SLC44A1: variants seen among roughly 807,000 people sequenced by gnomAD.
The protein encoded by SLC44A1 is choline transporter-like protein 1.
In SLC44A1, 26 loss-of-function variants were observed where a neutral mutation model predicts 79.3. That is an observed-to-expected ratio of 0.33 (90% CI 0.24 to 0.46). SLC44A1 has a LOEUF of 0.46. Among genes scored for constraint, SLC44A1 ranks in the 20% least tolerant of loss-of-function variants. The pLI, the probability that SLC44A1 is intolerant of heterozygous loss-of-function variation, is 1.00. For missense variants in SLC44A1, 688 were observed against 798.1 expected, an observed-to-expected ratio of 0.86 and a Z score of 1.66; for synonymous variants, 263 against 286.2, an observed-to-expected ratio of 0.92 and a Z score of 0.82.
In SLC44A1 at chr9:105,392,280, C is replaced by T; in HGVS notation, c.*3224C>T. 2 of 983,684 alleles carry T rather than the reference C, an allele frequency of 2.0e-6. No homozygotes were observed. Among genetic ancestry groups the T allele is most frequent in the Non-Finnish European group, 2.4e-6 (2 of 828,492 alleles). 60.9% of individuals were successfully genotyped at this position (983,684 alleles called of 1,614,324 possible). On this transcript the variant is annotated 3_prime_UTR_variant, in exon 16 of 16. Coordinates refer to ENST00000374720, the MANE Select transcript of SLC44A1 (RefSeq NM_080546.5). ...TCCTAAGTCACTACAACTTAAGTAGCTTAACTGTATGTTGGTACCCAAACT... is the reference window on the plus strand; with the variant it reads ...TCCTAAGTCACTACAACTTAAGTAGTTTAACTGTATGTTGGTACCCAAACT...
chr9:105,329,410 A>T (rs199868039), intron 3 of SLC44A1, among the ~76,000 whole-genome samples: 1 of 151,484 alleles, frequency 6.6e-6, no homozygotes, highest in Non-Finnish European at 1.5e-5. Context: ...ATTCGGCAGG[A>T]GGCGGCCAGC....
At chr9:105,310,661 G>A (rs143199367) in intron 3 of SLC44A1, among the ~76,000 whole-genome samples, 158 of 152,238 alleles carry the variant, frequency 1.0e-3, no homozygotes, top group Admixed American at 1.9e-3. Flanking sequence ...CATTTTTAAG[G>A]TTATAGGTCT....
rs1033585813 is a variant in SLC44A1, at chr9:105,244,661, C to CCGCCGT, written c.-202_-197dup. 9.5e-5 allele frequency: 24 copies of CCGCCGT among 253,584 alleles called. No individual in the cohort carries two copies. Among genetic ancestry groups the CCGCCGT allele is most frequent in the Non-Finnish European group, 1.5e-4 (20 of 134,190 alleles). 15.7% of individuals were successfully genotyped at this position (253,584 alleles called of 1,614,324 possible). A position where few individuals can be genotyped will look rare whatever the true frequency, so the allele number is the denominator to read the frequency against. On this transcript the variant is annotated 5_prime_UTR_variant, in exon 1 of 16. Transcript: ENST00000374720. The stretch of plus-strand genomic sequence containing the variant: ...CAGGAGCAGAGCAGGAGACGCGTAG[C>CCGCCGT]CGCCGTCGCCGCCGCCGGGGGATGT...
chr9:105,350,042 T>A (rs1188683212), intron 5 of SLC44A1, among the ~76,000 whole-genome samples: 3 of 152,184 alleles, frequency 2.0e-5, no homozygotes, highest in Admixed American at 2.0e-4. Flanking sequence ...GGGGAGAAGA[T>A]TTTAGAGATG....
intron 15 of SLC44A1, among the ~76,000 whole-genome samples, chr9:105,428,652 A>G (rs1829352834): frequency 6.6e-6 from 1 of 152,356 alleles, no homozygotes; most frequent in African/African-American, 2.4e-5. Flanking sequence ...CATTTAGTAC[A>G]GTATGCATTC....
intron 13 of SLC44A1, among the ~76,000 whole-genome samples, chr9:105,376,699 CA>C: frequency 6.6e-6 from 1 of 152,140 alleles, no homozygotes; most frequent in African/African-American, 2.4e-5. Context: ...AATAAGAAGC[CA>C]TTTAGAGGAA....
At chr9:105,269,323 A>C (rs1021343571) in intron 1 of SLC44A1, among the ~76,000 whole-genome samples, 9 of 151,736 alleles carry the variant, frequency 5.9e-5, no homozygotes, top group South Asian at 2.1e-4. Flanking sequence ...CTCTTTAGAC[A>C]CTCTTTTTAA....
chr9:105,326,460 T>C (rs1445216589), intron 3 of SLC44A1, among the ~76,000 whole-genome samples: 1 of 152,218 alleles, frequency 6.6e-6, no homozygotes, highest in African/African-American at 2.4e-5. Context: ...CTGACAATTA[T>C]GTCTCCCTCC....
Position 105,360,122 on chromosome 9 carries a change from A to G in SLC44A1, c.761-1069A>G, listed in dbSNP as rs1423909831. The stretch of plus-strand genomic sequence containing the variant: ...TTCCGCATTGCTCATTGCAGTAGCC[A>G]CAATGGTCTTCTTTCTCTCATACTA... On this transcript the variant is annotated intron_variant, in intron 7 of 15. Transcript: ENST00000374720. Among the ~76,000 whole-genome samples, 5 of 152,184 alleles carry G rather than the reference A, an allele frequency of 3.3e-5. No homozygotes were observed. In the South Asian group the frequency reaches 8.3e-4, roughly 25 times the overall value.
At chr9:105,250,870 A>C (rs1395327935) in intron 1 of SLC44A1, among the ~76,000 whole-genome samples, 1 of 152,138 alleles carries the variant, frequency 6.6e-6, no homozygotes, top group Non-Finnish European at 1.5e-5. Flanking sequence ...GCATCAAAAA[A>C]AGTTTTTTTT....
intron 15 of SLC44A1, among the ~76,000 whole-genome samples, chr9:105,410,013 C>G (rs1829075131): frequency 6.6e-6 from 1 of 151,816 alleles, no homozygotes. Context: ...TATTCTAGGT[C>G]AAAATAGAAT....
chr9:105,309,689 GT>G lies in SLC44A1; in HGVS notation c.127-32del, dbSNP rs767453683. ...CTAGTGACTGTTGGCTATTGAAATG[GT>G]TTATTTGTATGTTTTTTTCTGTTTC... is the stretch of plus-strand genomic sequence containing the variant. On this transcript the variant is annotated intron_variant, in intron 2 of 15. Coordinates refer to ENST00000374720, the MANE Select transcript of SLC44A1 (RefSeq NM_080546.5). 6.1e-5 allele frequency: 98 copies of G among 1,606,474 alleles called. 1 individual carries two copies. The South Asian group carries it at 1.1e-3, about 18-fold the overall frequency.
intron 5 of SLC44A1, among the ~76,000 whole-genome samples, chr9:105,351,596 G>GAGAAAGAGAA (rs1827427230): frequency 8.8e-6 from 1 of 113,458 alleles, no homozygotes; most frequent in Non-Finnish European, 1.7e-5. Context: ...AAGAGAGAAA[G>GAGAAAGAGAA]AGAAAGAAAG....
At chr9:105,290,241 T>C (rs2131270790) in intron 1 of SLC44A1, among the ~76,000 whole-genome samples, 1 of 152,286 alleles carries the variant, frequency 6.6e-6, no homozygotes, top group Non-Finnish European at 1.5e-5. Context: ...AATACACCCA[T>C]TAACAGTCTG....
chr9:105,309,848 T>C lies in SLC44A1; in HGVS notation c.251T>C (p.Met84Thr). 6.2e-7 allele frequency: 1 copy of C among 1,613,770 alleles called. No homozygotes were observed. Among genetic ancestry groups the C allele is most frequent in the East Asian group, 2.2e-5 (1 of 44,840 alleles). The change falls in exon 3 of 16, where the codon ATG becomes ACG. Residue 84 changes from methionine (M) to threonine (T), a missense_variant. Met to Thr is a moderately conservative substitution (Grantham distance 81). Coordinates refer to ENST00000374720, the MANE Select transcript of SLC44A1 (RefSeq NM_080546.5). ...TTGGAAGCAATACCAAACAGTGGCA[T>C]GGACCACACCCAGCGGAAGTGAGTA... ...TKLEAIPNSG[M>T]DHTQRKYVFF... is the part of the protein sequence containing the mutation.
chr9:105,428,549 TCA>T (rs1226396408), intron 15 of SLC44A1, among the ~76,000 whole-genome samples: 1 of 152,238 alleles, frequency 6.6e-6, no homozygotes, highest in African/African-American at 2.4e-5. Flanking sequence ...CATCTAATTC[TCA>T]GTTTCCCCAT....
chr9:105,405,270 G>A (rs146050120), intron 15 of SLC44A1, among the ~76,000 whole-genome samples: 1,860 of 151,112 alleles, frequency 0.012, 45 homozygotes, highest in African/African-American at 0.042. Flanking sequence ...GCAGTGAGCC[G>A]AGAATGTGCC....
intron 8 of SLC44A1, among the ~76,000 whole-genome samples, chr9:105,362,478 C>T (rs1025490933): frequency 1.3e-5 from 2 of 152,002 alleles, no homozygotes; most frequent in African/African-American, 2.4e-5. Context: ...AAATAAAAAC[C>T]TCGTTTTTGT....
At chr9:105,346,785 A>T (rs1029646653) in intron 4 of SLC44A1, among the ~76,000 whole-genome samples, 1 of 152,148 alleles carries the variant, frequency 6.6e-6, no homozygotes, top group Non-Finnish European at 1.5e-5. Flanking sequence ...AGAATAGTCA[A>T]GCACAATTTT....
Sources: allele counts gnomAD v4.1 joint callset (sites outside exome capture counted in the v4.1 genomes callset), GRCh38; gene constraint gnomAD v4.1.1; transcripts MANE v1.5; gene names NCBI Gene and HGNC (gene_info 2026-07-23, HGNC 2026-07-21).